SERGEF: variants seen among roughly 807,000 people sequenced by gnomAD.
SERGEF encodes the protein secretion regulating guanine nucleotide exchange factor.
SERGEF carries 51 observed loss-of-function variants against 50.0 expected under a neutral mutation model. The observed-to-expected ratio is 1.02, with a 90% CI of 0.81 to 1.29. SERGEF has a LOEUF of 1.29. Ranked by LOEUF, SERGEF falls within the 50% of genes most tolerant of loss-of-function variation. SERGEF has a pLI of 0.00. For missense variants in SERGEF, 521 were observed against 557.0 expected, an observed-to-expected ratio of 0.94 and a Z score of 0.65; for synonymous variants, 205 against 212.4, an observed-to-expected ratio of 0.97 and a Z score of 0.30.
Position 17,884,042 on chromosome 11 carries a change from G to A in SERGEF, c.1012-5798C>T, listed in dbSNP as rs1851383716. ...AAGGAGAGGAAGTGAGGCGAGGCCA[G>A]CCCCACGCCACCAGCCAGGGGCCGC... On this transcript the variant is annotated intron_variant, in intron 9 of 10. Transcript: ENST00000265965. This position sits in a 1 kb window ranked among gnomAD's most constrained non-coding sequence, Gnocchi z 4.6. 6.6e-6 allele frequency among the ~76,000 whole-genome samples: 1 copy of A among 152,172 alleles called. No homozygotes were observed. The highest frequency in any genetic ancestry group is 1.5e-5 in the Non-Finnish European group (1 of 68,018).
In SERGEF at chr11:17,788,364, A is replaced by G; in HGVS notation, c.1098T>C (p.Asp366=). The change falls in exon 11 of 11, where the codon GAT becomes GAC. Residue 366 remains aspartate (D), a synonymous_variant. Transcript: ENST00000265965. The part of the protein sequence containing the change: ...WGWNEHGMCG[D]GTEANVWAPK... ...GGGCCCAGACGTTGGCTTCAGTGCC[A>G]TCTCCGCACATGCCATGCTCATTCC... The G allele has an allele frequency of 6.2e-7, 1 of 1,613,922 alleles. No homozygotes were observed. The highest frequency in any genetic ancestry group is 8.5e-7 in the Non-Finnish European group (1 of 1,179,862).
chr11:17,874,817 T>C (rs1436719814), intron 10 of SERGEF, among the ~76,000 whole-genome samples: 1 of 152,192 alleles, frequency 6.6e-6, no homozygotes, highest in African/African-American at 2.4e-5. Flanking sequence ...TATGCTGAGA[T>C]CTTGCCATGG....
At chr11:17,982,132 C>T (rs1031605478) in intron 8 of SERGEF, among the ~76,000 whole-genome samples, 3 of 152,158 alleles carry the variant, frequency 2.0e-5, no homozygotes, top group African/African-American at 7.2e-5. Context: ...ACAGAAGGAA[C>T]TGTCATTCCT....
At chr11:17,924,912 G>A (rs1398350849) in intron 9 of SERGEF, among the ~76,000 whole-genome samples, 2 of 152,048 alleles carry the variant, frequency 1.3e-5, no homozygotes, top group African/African-American at 2.4e-5. Flanking sequence ...AACTTTGACC[G>A]CATGAACAGG....
chr11:17,937,910 T>C (rs141854276), intron 9 of SERGEF, among the ~76,000 whole-genome samples: 1 of 152,306 alleles, frequency 6.6e-6, no homozygotes, highest in East Asian at 1.9e-4. Context: ...CCATCCTTCC[T>C]GCCTAGTACC....
intron 10 of SERGEF, among the ~76,000 whole-genome samples, chr11:17,872,698 C>T (rs575527199): frequency 8.5e-5 from 13 of 152,274 alleles, no homozygotes; most frequent in African/African-American, 2.6e-4. Context: ...TTCACTATAG[C>T]GTTGCTTATA....
rs1234514579 is a variant in SERGEF, at chr11:17,888,952, T to A, written c.1012-10708A>T. Among the ~76,000 whole-genome samples the A allele has an allele frequency of 6.6e-6, 1 of 152,240 alleles. No individual in the cohort carries two copies. Among genetic ancestry groups the A allele is most frequent in the East Asian group, 1.9e-4 (1 of 5,176 alleles). Reference sequence around the variant, plus strand: ...CCTGAAACAGCTCCCACTAGCTAAATCAGGGAGAACTTGAGCTCCAAAATG... The same window carrying A: ...CCTGAAACAGCTCCCACTAGCTAAAACAGGGAGAACTTGAGCTCCAAAATG... On this transcript the variant is annotated intron_variant, in intron 9 of 10. Coordinates refer to ENST00000265965, the MANE Select transcript of SERGEF (RefSeq NM_012139.4). This position sits in a 1 kb window ranked among gnomAD's most constrained non-coding sequence, Gnocchi z 4.1.
chr11:17,894,249 T>C (rs1590181872), intron 9 of SERGEF, among the ~76,000 whole-genome samples: 1 of 152,150 alleles, frequency 6.6e-6, no homozygotes, highest in Admixed American at 6.5e-5. Context: ...CTCACTTCAG[T>C]GTACCTTCAC....
chr11:17,977,729 T>C (rs1413723907), intron 8 of SERGEF, among the ~76,000 whole-genome samples: 1 of 152,044 alleles, frequency 6.6e-6, no homozygotes, highest in African/African-American at 2.4e-5. Flanking sequence ...CCCTCATGAA[T>C]GGGATCATTG....
intron 9 of SERGEF, among the ~76,000 whole-genome samples, chr11:17,887,665 T>C (rs1007112144): frequency 1.3e-5 from 2 of 152,246 alleles, no homozygotes; most frequent in African/African-American, 4.8e-5. Flanking sequence ...CAGTATCTAC[T>C]AAAGCTAAAC....
In SERGEF at chr11:17,878,211, T is replaced by A. The variant is rs1488214005; in HGVS notation, c.1045A>T (p.Ile349Phe). 3.2e-6 allele frequency: 5 copies of A among 1,582,212 alleles called. No individual in the cohort carries two copies. The highest frequency in any genetic ancestry group is 2.6e-6 in the Non-Finnish European group (3 of 1,157,316). The change falls in exon 10 of 11, where the codon ATT becomes TTT. Residue 349 changes from isoleucine to phenylalanine, a missense_variant. Transcript: ENST00000265965. ...SCGSEHNLAI[I>F]GGVCYSWGWN... Reference sequence around the variant, plus strand: ...TATCAGTATAAAAATTACTTACCAATTATTGCCAAATTATGCTCTGAGCCA... The same window carrying A: ...TATCAGTATAAAAATTACTTACCAAATATTGCCAAATTATGCTCTGAGCCA...
At chr11:17,790,781 T>C in intron 10 of SERGEF, among the ~76,000 whole-genome samples, 1 of 152,210 alleles carries the variant, frequency 6.6e-6, no homozygotes, top group East Asian at 1.9e-4. Context: ...TATGAATTTG[T>C]TTCCTTAGAT....
chr11:17,988,725 T>C lies in SERGEF; in HGVS notation c.716A>G (p.Asn239Ser). 6.2e-7 allele frequency: 1 copy of C among 1,614,040 alleles called. No homozygotes were observed. The highest frequency in any genetic ancestry group is 8.5e-7 in the Non-Finnish European group (1 of 1,179,972). Residue 239 changes from asparagine (N) to serine (S), a missense_variant, in exon 8 of 11, where the codon AAC becomes AGC. Physicochemically the swap from Asn to Ser is conservative, Grantham distance 46. Coordinates refer to ENST00000265965, the MANE Select transcript of SERGEF (RefSeq NM_012139.4). ...CTCATTAGCCAGTTGCCCATGCTTGTTGCTTCCCCAAACATACACCTCTCC... is the reference window on the plus strand; with the variant it reads ...CTCATTAGCCAGTTGCCCATGCTTGCTGCTTCCCCAAACATACACCTCTCC... ...DAGEVYVWGS[N>S]KHGQLANEAA...
chr11:17,954,226 T>A (rs1852821785), intron 9 of SERGEF, among the ~76,000 whole-genome samples: 2 of 152,210 alleles, frequency 1.3e-5, no homozygotes, highest in African/African-American at 4.8e-5. Flanking sequence ...AGCTGATTGC[T>A]GGTGGTAGAT....
intron 9 of SERGEF, among the ~76,000 whole-genome samples, chr11:17,887,053 A>C (rs1039240122): frequency 1.3e-5 from 2 of 152,150 alleles, no homozygotes; most frequent in African/African-American, 4.8e-5. Flanking sequence ...AGGAAGGTTA[A>C]GATGAGGAGG....
intron 9 of SERGEF, among the ~76,000 whole-genome samples, chr11:17,892,784 C>A (rs949801392): frequency 5.3e-5 from 8 of 152,150 alleles, no homozygotes; most frequent in African/African-American, 9.7e-5. Flanking sequence ...GGAGAACACA[C>A]ACTACAGGAA....
intron 9 of SERGEF, among the ~76,000 whole-genome samples, chr11:17,885,561 C>T (rs933368637): frequency 1.3e-5 from 2 of 152,096 alleles, no homozygotes; most frequent in South Asian, 2.1e-4. Context: ...TGGCTTCAAG[C>T]GACCCTCCTC....
At chr11:17,922,107 A>G (rs906545133) in intron 9 of SERGEF, among the ~76,000 whole-genome samples, 2 of 152,182 alleles carry the variant, frequency 1.3e-5, no homozygotes, top group African/African-American at 2.4e-5. Flanking sequence ...ACCCAATGGC[A>G]ACGTCTGAAC....
chr11:17,935,168 A>G (rs1288474314), intron 9 of SERGEF, among the ~76,000 whole-genome samples: 1 of 152,018 alleles, frequency 6.6e-6, no homozygotes, highest in Admixed American at 6.5e-5. Context: ...TTTAAAATAA[A>G]ATAAAATAAA....
Sources: allele counts gnomAD v4.1 joint callset (sites outside exome capture counted in the v4.1 genomes callset), GRCh38; gene constraint gnomAD v4.1.1; non-coding constraint Gnocchi (gnomAD v3.1); transcripts MANE v1.5; gene names NCBI Gene and HGNC (gene_info 2026-07-23, HGNC 2026-07-21).